Variants in MAP3K20 observed in about 807,000 individuals in gnomAD.
MAP3K20 encodes HCCS-4.
In MAP3K20, 40 loss-of-function variants were observed where a neutral mutation model predicts 85.7. That is an observed-to-expected ratio of 0.47 (90% CI 0.36 to 0.61). The LOEUF (loss-of-function observed/expected upper bound fraction) is 0.61. Among genes scored for constraint, MAP3K20 ranks in the 20% least tolerant of loss-of-function variants. The pLI is 0.00. For missense variants in MAP3K20, 817 were observed against 961.7 expected (o/e 0.85, Z 1.99); for synonymous variants, 325 against 327.7 (o/e 0.99, Z 0.09).
chr2:173,116,835 G>A (rs1688137177), intron 2 of MAP3K20, among the ~76,000 whole-genome samples: 3 of 152,202 alleles, frequency 2.0e-5, no homozygotes, highest in Admixed American at 2.0e-4. Context: ...TCCCTTCTTT[G>A]CCTATAATCT....
At chr2:173,158,815 T>A (rs969586290) in intron 2 of MAP3K20, among the ~76,000 whole-genome samples, 13 of 152,196 alleles carry the variant, frequency 8.5e-5, no homozygotes, top group African/African-American at 3.1e-4. Flanking sequence ...TTAAATAACT[T>A]CCTCAAAGTC....
chr2:173,100,012 T>G (rs140362417), intron 2 of MAP3K20, among the ~76,000 whole-genome samples: 1 of 152,368 alleles, frequency 6.6e-6, no homozygotes, highest in African/African-American at 2.4e-5. Context: ...CAGCTAGATG[T>G]CATCTTTTGT....
chr2:173,239,838 T>G (rs868542929), intron 16 of MAP3K20, among the ~76,000 whole-genome samples: 3 of 152,324 alleles, frequency 2.0e-5, no homozygotes, highest in Non-Finnish European at 2.9e-5. Context: ...AAAGCAGCTT[T>G]ATAATACCAA....
chr2:173,209,936 C>A, intron 10 of MAP3K20, 101 bp downstream of exon 10: 1 of 1,056,338 alleles, frequency 9.5e-7, no homozygotes, highest in African/African-American at 1.6e-5. Context: ...GTCCTGATTT[C>A]TGACCATAGC....
At chr2:173,193,042 G>C (rs890886316) in intron 7 of MAP3K20, 7 of 152,194 alleles carry the variant, frequency 4.6e-5, no homozygotes, top group African/African-American at 1.7e-4. Context: ...GCAGGCCATC[G>C]TTGCGGGCAC....
intron 16 of MAP3K20, among the ~76,000 whole-genome samples, chr2:173,241,106 A>G (rs2106338985): frequency 6.6e-6 from 1 of 152,322 alleles, no homozygotes; most frequent in South Asian, 2.1e-4. Context: ...GGGGAGGGCA[A>G]GAGGATGCTG....
intron 2 of MAP3K20, among the ~76,000 whole-genome samples, chr2:173,144,253 C>G (rs972209256): frequency 1.2e-4 from 18 of 151,830 alleles, no homozygotes; most frequent in Non-Finnish European, 2.5e-4. Flanking sequence ...CACAAGGTCA[C>G]GAGATCAAGA....
At chr2:173,231,070 T>C (rs1684514377) in intron 12 of MAP3K20, among the ~76,000 whole-genome samples, 1 of 152,128 alleles carries the variant, frequency 6.6e-6, no homozygotes, top group African/African-American at 2.4e-5. Context: ...AAGCTCAGGG[T>C]ATCACTAAAT....
chr2:173,088,076 A>AAG (rs59396270), intron 1 of MAP3K20, among the ~76,000 whole-genome samples: 1 of 149,208 alleles, frequency 6.7e-6, no homozygotes, highest in Non-Finnish European at 1.5e-5. Context: ...GTGAAAAAAA[A>AAG]GAGAAATTAC....
At chr2:173,138,359 C>T (rs1043759716) in intron 2 of MAP3K20, among the ~76,000 whole-genome samples, 1 of 152,084 alleles carries the variant, frequency 6.6e-6, no homozygotes, top group Non-Finnish European at 1.5e-5. Context: ...TTTTGAACTC[C>T]TAATTATGGA....
At chr2:173,131,603 G>A (rs914119974) in intron 2 of MAP3K20, among the ~76,000 whole-genome samples, 20 of 152,174 alleles carry the variant, frequency 1.3e-4, no homozygotes, top group African/African-American at 4.6e-4. Flanking sequence ...CTTTATTTCA[G>A]CTAGGAAATT....
chr2:173,166,221 G>A (rs548219098), intron 2 of MAP3K20, among the ~76,000 whole-genome samples: 9 of 152,246 alleles, frequency 5.9e-5, no homozygotes, highest in South Asian at 2.1e-4. Flanking sequence ...TTTACTTAGC[G>A]TAATATTTTC....
chr2:173,261,612 C>T (rs1365228635), intron 18 of MAP3K20, among the ~76,000 whole-genome samples: 1 of 152,184 alleles, frequency 6.6e-6, no homozygotes, highest in Non-Finnish European at 1.5e-5. Flanking sequence ...GCATTTCATT[C>T]ATTCATCAAT....
At chr2:173,224,521 T>C (rs1684334225) in intron 11 of MAP3K20, 1 of 985,318 alleles carries the variant, frequency 1.0e-6, no homozygotes, top group African/African-American at 1.7e-5. Flanking sequence ...CTCATTTCTT[T>C]ACTGCTGCCA....
chr2:173,174,383 G>A (rs1033838977), intron 3 of MAP3K20, among the ~76,000 whole-genome samples: 2 of 152,092 alleles, frequency 1.3e-5, no homozygotes, highest in African/African-American at 4.8e-5. Context: ...ACAGGCCCTG[G>A]TGTGTGATGT....
chr2:173,179,595 T>C (rs917145281), intron 3 of MAP3K20, among the ~76,000 whole-genome samples: 1 of 152,064 alleles, frequency 6.6e-6, no homozygotes, highest in Non-Finnish European at 1.5e-5. Flanking sequence ...CTGAAGGTTT[T>C]AGCCAGTGTG....
At chr2:173,139,737 T>C (rs1343429557) in intron 2 of MAP3K20, among the ~76,000 whole-genome samples, 1 of 152,198 alleles carries the variant, frequency 6.6e-6, no homozygotes, top group Non-Finnish European at 1.5e-5. Context: ...GGAACCAATA[T>C]GGATATAGTT....
intron 12 of MAP3K20, among the ~76,000 whole-genome samples, chr2:173,230,361 C>T (rs1181006455): frequency 6.6e-6 from 1 of 152,128 alleles, no homozygotes; most frequent in Non-Finnish European, 1.5e-5. Flanking sequence ...GGGATGGCCT[C>T]GAGCCATGGT....
chr2:173,246,392 T>G (rs1684914357), intron 16 of MAP3K20, among the ~76,000 whole-genome samples: 1 of 152,240 alleles, frequency 6.6e-6, no homozygotes, highest in Non-Finnish European at 1.5e-5. Context: ...GCCTTTGACT[T>G]GGCACAAAAG....
Sources: allele counts gnomAD v4.1 joint callset (sites outside exome capture counted in the v4.1 genomes callset), GRCh38; gene constraint gnomAD v4.1.1; transcripts MANE v1.5; gene names NCBI Gene and HGNC (gene_info 2026-07-23, HGNC 2026-07-21).